LLGL2: variants seen among roughly 807,000 people sequenced by gnomAD.
LLGL2 encodes the protein LLGL2, scribble cell polarity complex component.
Under a neutral mutation model 123.2 loss-of-function variants are expected in LLGL2, and 81 were observed. The observed-to-expected ratio is 0.66, with a 90% CI of 0.55 to 0.79. The LOEUF is 0.79. Among genes scored for constraint, LLGL2 ranks in the 30% least tolerant of loss-of-function variants. The pLI, the probability that LLGL2 is intolerant of heterozygous loss-of-function variation, is 0.00. For synonymous variants in LLGL2, 577 were observed against 594.1 expected, an observed-to-expected ratio of 0.97 and a Z score of 0.42; for missense variants, 1,273 against 1,414.6, an observed-to-expected ratio of 0.90 and a Z score of 1.61.
In LLGL2 at chr17:75,574,952, G is replaced by A. The variant is rs777141808; in HGVS notation, c.*74G>A. The A allele has an allele frequency of 6.2e-6, 10 of 1,607,612 alleles. No homozygotes were observed. The highest frequency in any genetic ancestry group is 1.7e-4 in the Middle Eastern group (1 of 6,040). On this transcript the variant is annotated 3_prime_UTR_variant, in exon 26 of 26. Transcript: ENST00000392550. ...CCTTTCGGGGGTCCCTGCCCCAACC[G>A]GAGAGGCCGGTGCACAGGGCCCCGC...
At chr17:75,538,597 A>G in intron 1 of LLGL2, 1 of 152,212 alleles carries the variant, frequency 6.6e-6, no homozygotes, top group East Asian at 1.9e-4. Flanking sequence ...AAGGTCTTGA[A>G]TGGGAAAAAG....
Position 75,564,419 on chromosome 17 carries a change from A to G in LLGL2, c.948A>G (p.Ser316=). Residue 316 remains serine, a synonymous_variant, in exon 10 of 26, where the codon TCA becomes TCG. Coordinates refer to ENST00000392550, the MANE Select transcript of LLGL2 (RefSeq NM_001031803.2). This position sits in a 1 kb window ranked among gnomAD's most constrained non-coding sequence, Gnocchi z 4.9. ...RASYGDRHCI[S]VIHDGQQTAF... is the part of the protein sequence containing the mutation. ...GCTACGGGGACCGCCACTGCATCTC[A>G]GTGATCCACGATGGCCAGCAGACGG... 2 of 1,613,502 alleles carry G rather than the reference A, an allele frequency of 1.2e-6. No homozygotes were observed. Among genetic ancestry groups the G allele is most frequent in the Non-Finnish European group, 8.5e-7 (1 of 1,179,980 alleles).
chr17:75,526,169 G>C (rs1017756074), intron 1 of LLGL2, among the ~76,000 whole-genome samples: 4 of 152,252 alleles, frequency 2.6e-5, no homozygotes, highest in Admixed American at 1.3e-4. Flanking sequence ...GGGCCCACGT[G>C]CAGGCGCCAG....
chr17:75,575,047 C>A lies in LLGL2; in HGVS notation c.*169C>A. ...GCCTCGGGAGAGGAGAGACCCCAGT[C>A]CCCTGGGCTGCCCTTCCCGGGCCTC... On this transcript the variant is annotated 3_prime_UTR_variant, in exon 26 of 26. Coordinates refer to ENST00000392550, the MANE Select transcript of LLGL2 (RefSeq NM_001031803.2). 1 of 903,408 alleles carries A rather than the reference C, an allele frequency of 1.1e-6. No homozygotes were observed. Among genetic ancestry groups the A allele is most frequent in the Non-Finnish European group, 1.8e-6 (1 of 554,616 alleles). 56.0% of individuals were successfully genotyped at this position (903,408 alleles called of 1,614,324 possible). A position where few individuals can be genotyped will look rare whatever the true frequency, so the allele number is the denominator to read the frequency against.
intron 2 of LLGL2, among the ~76,000 whole-genome samples, chr17:75,551,088 G>C (rs4789211): frequency 0.34 from 51,261 of 152,082 alleles, 9,174 homozygotes; most frequent in South Asian, 0.57. Context: ...CTGGGAGACA[G>C]GTCATTTACA....
Position 75,559,417 on chromosome 17 carries a change from C to T in LLGL2, c.530+7C>T. ...CGGACGCGGTGCTGCAGCGGTGAGC[C>T]CAGAGCCCAGCTGCTGTTAACTCCA... is the stretch of plus-strand genomic sequence containing the variant. On this transcript the variant is annotated splice_region_variant and intron_variant, in intron 6 of 25. Coordinates refer to ENST00000392550, the MANE Select transcript of LLGL2 (RefSeq NM_001031803.2). This position sits in a 1 kb window ranked among gnomAD's most constrained non-coding sequence, Gnocchi z 4.6. The T allele has an allele frequency of 6.3e-7, 1 of 1,596,618 alleles. No individual in the cohort carries two copies. The highest frequency in any genetic ancestry group is 8.5e-7 in the Non-Finnish European group (1 of 1,172,332).
intron 1 of LLGL2, among the ~76,000 whole-genome samples, chr17:75,542,322 G>C (rs1016850461): frequency 2.0e-5 from 3 of 152,068 alleles, no homozygotes; most frequent in African/African-American, 7.2e-5. Flanking sequence ...TCAACACTGG[G>C]CTGCCCTGTC....
Position 75,575,073 on chromosome 17 carries a change from G to T in LLGL2, c.*195G>T. 1 of 687,664 alleles carries T rather than the reference G, an allele frequency of 1.5e-6. No homozygotes were observed. Among genetic ancestry groups the T allele is most frequent in the Non-Finnish European group, 2.6e-6 (1 of 389,910 alleles). The allele number at this position is 687,664 out of a possible 1,614,324, so 42.6% of individuals were successfully genotyped here. On this transcript the variant is annotated 3_prime_UTR_variant, in exon 26 of 26. Coordinates refer to ENST00000392550, the MANE Select transcript of LLGL2 (RefSeq NM_001031803.2). ...CCCTGGGCTGCCCTTCCCGGGCCTC[G>T]TCTGTCTGGGTCCTTTGGTCAATGT...
chr17:75,543,814 A>G (rs765185968), intron 2 of LLGL2, among the ~76,000 whole-genome samples: 6 of 151,968 alleles, frequency 3.9e-5, no homozygotes, highest in African/African-American at 1.5e-4. Context: ...TGCCATGTCT[A>G]CCTCGGCACA....
intron 2 of LLGL2, among the ~76,000 whole-genome samples, chr17:75,551,243 C>T (rs945250854): frequency 3.3e-5 from 5 of 152,114 alleles, no homozygotes; most frequent in African/African-American, 9.7e-5. Flanking sequence ...ATGCGAGCCT[C>T]GGAAGGAAGC....
chr17:75,564,744 G>A lies in LLGL2; in HGVS notation c.1036+237G>A. ...CCAGGTGTTGTGGCACGTACCTGTAGTCCTAGCTACTCAGGAGGCTGAGGT... is the reference window on the plus strand; with the variant it reads ...CCAGGTGTTGTGGCACGTACCTGTAATCCTAGCTACTCAGGAGGCTGAGGT... On this transcript the variant is annotated intron_variant, in intron 10 of 25. Transcript: ENST00000392550. The surrounding 1 kb of genome is among the most constrained non-coding windows in gnomAD (Gnocchi z 4.9). The A allele has an allele frequency of 3.8e-6, 2 of 525,980 alleles. No individual in the cohort carries two copies. Among genetic ancestry groups the A allele is most frequent in the Non-Finnish European group, 6.3e-6 (2 of 316,146 alleles). 32.6% of individuals were successfully genotyped at this position (525,980 alleles called of 1,614,324 possible).
At chr17:75,554,238 T>C (rs2054801161) in intron 2 of LLGL2, among the ~76,000 whole-genome samples, 1 of 147,380 alleles carries the variant, frequency 6.8e-6, no homozygotes, top group Admixed American at 6.7e-5. Flanking sequence ...GGAGGCAGAG[T>C]TTGCAGCGAG....
rs2055853095 is a variant in LLGL2, at chr17:75,573,966, A to G, written c.2891A>G (p.Gln964Arg). The change falls in exon 22 of 26, where the codon CAG becomes CGG. Residue 964 changes from glutamine (Q) to arginine (R), a missense_variant. Coordinates refer to ENST00000392550, the MANE Select transcript of LLGL2 (RefSeq NM_001031803.2). ...APSRARNSGT[Q>R]SDGEEKQPGL... The stretch of plus-strand genomic sequence containing the variant: ...TTCCCCCACAGGAACTCAGGGACTC[A>G]GAGTGATGGCGAGGGTAAGACAGGC... 3.2e-6 allele frequency: 5 copies of G among 1,550,740 alleles called. No individual in the cohort carries two copies. Among genetic ancestry groups the G allele is most frequent in the Non-Finnish European group, 4.4e-6 (5 of 1,146,968 alleles).
At chr17:75,563,927 C>CT in intron 9 of LLGL2, 121 bp downstream of exon 9, 1 of 979,450 alleles carries the variant, frequency 1.0e-6, no homozygotes, top group Non-Finnish European at 1.6e-6. Flanking sequence ...GTGTTGGGGT[C>CT]TTGGACACCA....
At chr17:75,571,515 G>A in intron 17 of LLGL2, 152 bp from the exon 18 acceptor site, 1 of 639,072 alleles carries the variant, frequency 1.6e-6, no homozygotes, top group Non-Finnish European at 2.8e-6. Context: ...GAGCTGACCT[G>A]GGATTGGGGT....
rs1347793472 is a variant in LLGL2, at chr17:75,571,659, C to T, written c.2177-8C>T. 1.2e-6 allele frequency: 2 copies of T among 1,602,802 alleles called. No homozygotes were observed. Among genetic ancestry groups the T allele is most frequent in the South Asian group, 2.2e-5 (2 of 90,946 alleles). On this transcript the variant is annotated splice_region_variant and splice_polypyrimidine_tract_variant and intron_variant, in intron 17 of 25. Transcript: ENST00000392550. ...AGGGTCAGACACCCAAACATGGCTT[C>T]TCGGCAGGCTCCCGGCACTGCCCCT...
At chr17:75,567,262 G>A (rs1335705780) in intron 10 of LLGL2, among the ~76,000 whole-genome samples, 7 of 152,076 alleles carry the variant, frequency 4.6e-5, no homozygotes, top group African/African-American at 1.7e-4. Context: ...TTAGGGGTTC[G>A]AGACTAGCCT....
chr17:75,570,547 C>T, intron 16 of LLGL2, 49 bp downstream of exon 16: 1 of 1,536,158 alleles, frequency 6.5e-7, no homozygotes, highest in Non-Finnish European at 8.8e-7. Flanking sequence ...AGGTTCGGCT[C>T]AGAGCAGCCA....
chr17:75,556,009 A>G (rs751323278), intron 2 of LLGL2, 37 bp from the exon 3 acceptor site: 3 of 1,525,992 alleles, frequency 2.0e-6, no homozygotes, highest in Non-Finnish European at 9.0e-7. Flanking sequence ...CGAAGGGGAC[A>G]GGTCTGCAGG....
Sources: gnomAD v4.1 joint callset for allele counts (sites outside exome capture counted in the v4.1 genomes callset) on GRCh38, gnomAD v4.1.1 for gene constraint, Gnocchi (gnomAD v3.1) non-coding constraint, MANE v1.5 for transcripts, NCBI Gene and HGNC (gene_info 2026-07-23, HGNC 2026-07-21) for gene names.